Variants in HORMAD2 observed in about 807,000 individuals in gnomAD.
The protein encoded by HORMAD2 is HORMA domain containing 2.
A neutral mutation model predicts 38.8 loss-of-function variants in HORMAD2; 45 were observed. The observed-to-expected ratio is 1.16, with a 90% confidence interval of 0.91 to 1.49. HORMAD2 has a LOEUF of 1.49. Ranked by LOEUF, HORMAD2 falls within the 40% of genes most tolerant of loss-of-function variation. The probability of loss-of-function intolerance (pLI) is 0.00; values close to 1 mark genes in which losing one functional copy is unlikely to be tolerated. For missense variants in HORMAD2, 338 were observed against 367.0 expected, an observed-to-expected ratio of 0.92 and a Z score of 0.65; for synonymous variants, 126 against 122.8, an observed-to-expected ratio of 1.03 and a Z score of -0.17.
At chr22:30,103,649 A>ATTTTT (rs71198524) in intron 4 of HORMAD2, 149 bp downstream of exon 4, 780 of 75,294 alleles carry the variant, frequency 0.01, 149 homozygotes, top group East Asian at 0.043. Context: ...TCTGTTTTTG[A>ATTTTT]TTTTTTTTTT....
intron 10 of HORMAD2, among the ~76,000 whole-genome samples, chr22:30,172,883 G>A (rs1263835815): frequency 6.7e-5 from 10 of 148,664 alleles, no homozygotes; most frequent in East Asian, 3.9e-4. Flanking sequence ...ATGAGACTCC[G>A]TTTCAAAAAA....
chr22:30,132,946 A>G (rs981970683), intron 10 of HORMAD2, among the ~76,000 whole-genome samples: 4 of 152,236 alleles, frequency 2.6e-5, no homozygotes, highest in Admixed American at 1.3e-4. Flanking sequence ...GGATGTTACA[A>G]TTAATAAGCC....
At chr22:30,085,233 C>T (rs1373341701) in intron 1 of HORMAD2, among the ~76,000 whole-genome samples, 1 of 151,870 alleles carries the variant, frequency 6.6e-6, no homozygotes, top group Admixed American at 6.6e-5. Context: ...TAGGCAATTT[C>T]ATAAAGATGA....
intron 10 of HORMAD2, among the ~76,000 whole-genome samples, chr22:30,150,063 C>T (rs1924653876): frequency 6.6e-6 from 1 of 152,002 alleles, no homozygotes. Context: ...AATCTGGTAA[C>T]TCAGGTGCTC....
chr22:30,186,940 TC>T, the HORMAD2 span, among the ~76,000 whole-genome samples: 1 of 151,952 alleles, frequency 6.6e-6, no homozygotes. Context: ...CTTTGGGAAA[TC>T]CCTGCATTTT....
intron 10 of HORMAD2, among the ~76,000 whole-genome samples, chr22:30,171,766 C>T (rs776898235): frequency 2.0e-5 from 3 of 152,028 alleles, no homozygotes; most frequent in African/African-American, 4.8e-5. Context: ...GGAGACCTAA[C>T]TTATGTGGGA....
At chr22:30,105,239 G>T in intron 5 of HORMAD2, 1 of 163,580 alleles carries the variant, frequency 6.1e-6, no homozygotes. Flanking sequence ...CTACTCCATG[G>T]GATGCTGCCC....
rs377126131 is a variant in HORMAD2 at position 30,176,190 on chromosome 22, T to G, written c.*23T>G. ...TGAAAGCTAAATATTCCTTCTACAT[T>G]TATTTTAAAATAAGTTTATTTTGTA... On this transcript the variant is annotated 3_prime_UTR_variant, in exon 11 of 11. Transcript: ENST00000336726. 4.3e-5 allele frequency: 61 copies of G among 1,403,196 alleles called. No homozygotes were observed. The African/African-American group carries it at 7.8e-4, about 18-fold the overall frequency. The allele number at this position is 1,403,196 out of a possible 1,614,324, so 86.9% of individuals were successfully genotyped here.
intron 1 of HORMAD2, among the ~76,000 whole-genome samples, chr22:30,081,836 C>T (rs370771688): frequency 5.9e-5 from 9 of 152,108 alleles, no homozygotes; most frequent in South Asian, 4.1e-4. Flanking sequence ...CCTCCCACCT[C>T]GGCCTCCCAG....
intron 7 of HORMAD2, among the ~76,000 whole-genome samples, chr22:30,113,827 G>A (rs1320439706): frequency 2.6e-5 from 4 of 152,110 alleles, no homozygotes; most frequent in Admixed American, 2.6e-4. Context: ...AGCTGTTTAA[G>A]CAAGGGGTAA....
intron 10 of HORMAD2, among the ~76,000 whole-genome samples, chr22:30,140,342 A>G (rs892320930): frequency 1.3e-5 from 2 of 152,214 alleles, no homozygotes; most frequent in Non-Finnish European, 2.9e-5. Flanking sequence ...TTTTTGGAAG[A>G]GTTTGTGAAG....
At chr22:30,177,900 G>A (rs982695292), downstream of HORMAD2, among the ~76,000 whole-genome samples, 1 of 151,604 alleles carries the variant, frequency 6.6e-6, no homozygotes, top group Admixed American at 6.6e-5. Flanking sequence ...GGCTGGTCTC[G>A]AACTCCTGAC....
chr22:30,120,279 A>T (rs1922341268), intron 8 of HORMAD2, among the ~76,000 whole-genome samples: 1 of 152,218 alleles, frequency 6.6e-6, no homozygotes, highest in African/African-American at 2.4e-5. Flanking sequence ...TGAGCTACAT[A>T]TCTATAGCCC....
At chr22:30,105,648 G>A (rs1921134263) in intron 5 of HORMAD2, among the ~76,000 whole-genome samples, 1 of 152,190 alleles carries the variant, frequency 6.6e-6, no homozygotes, top group Non-Finnish European at 1.5e-5. Context: ...GGGATACAAA[G>A]ATAAAACAGA....
chr22:30,189,027 G>A, the HORMAD2 span, among the ~76,000 whole-genome samples: 1 of 151,816 alleles, frequency 6.6e-6, no homozygotes, highest in Non-Finnish European at 1.5e-5. Flanking sequence ...TGATGTGGGA[G>A]GATCACTTGA....
intron 10 of HORMAD2, among the ~76,000 whole-genome samples, chr22:30,167,358 G>A (rs904415006): frequency 3.3e-5 from 5 of 152,208 alleles, no homozygotes; most frequent in African/African-American, 7.2e-5. Context: ...TTCACAGGCT[G>A]CAGAATTTAG....
At chr22:30,103,613 C>A in intron 4 of HORMAD2, 113 bp downstream of exon 4, 4 of 289,456 alleles carry the variant, frequency 1.4e-5, no homozygotes, top group Non-Finnish European at 2.5e-5. Flanking sequence ...TTCTTCTTTT[C>A]TACTTTCCCT....
At chr22:30,097,585 T>A (rs1245124024) in intron 2 of HORMAD2, among the ~76,000 whole-genome samples, 2 of 152,062 alleles carry the variant, frequency 1.3e-5, no homozygotes, top group Non-Finnish European at 2.9e-5. Flanking sequence ...GAATAGTAGA[T>A]GAATAGCCAC....
chr22:30,096,566 C>G (rs1287817364), intron 2 of HORMAD2, among the ~76,000 whole-genome samples: 1 of 151,558 alleles, frequency 6.6e-6, no homozygotes, highest in Non-Finnish European at 1.5e-5. Flanking sequence ...CTCCAGGGTT[C>G]AAGTGTTTCT....
Sources: allele counts gnomAD v4.1 joint callset (sites outside exome capture counted in the v4.1 genomes callset), GRCh38; gene constraint gnomAD v4.1.1; transcripts MANE v1.5; gene names NCBI Gene and HGNC (gene_info 2026-07-23, HGNC 2026-07-21).